Variants in CLYBL observed in about 807,000 individuals in gnomAD.
CLYBL encodes citramalyl-CoA lyase, mitochondrial.
In CLYBL, 31 loss-of-function variants were observed where a neutral mutation model predicts 38.9. The observed-to-expected ratio is 0.80, with a 90% CI of 0.60 to 1.08. The LOEUF (loss-of-function observed/expected upper bound fraction) is 1.08. Ranked by LOEUF, CLYBL falls within the 50% of genes least tolerant of loss-of-function variation. The pLI, the probability that CLYBL is intolerant of heterozygous loss-of-function variation, is 0.00. For missense variants in CLYBL, 434 were observed against 411.6 expected (o/e 1.05, Z -0.47); for synonymous variants, 171 against 158.6 (o/e 1.08, Z -0.59).
At chr13:99,676,312 T>C (rs2047650371) in intron 1 of CLYBL, among the ~76,000 whole-genome samples, 1 of 151,476 alleles carries the variant, frequency 6.6e-6, no homozygotes, top group Non-Finnish European at 1.5e-5. Flanking sequence ...TCCCCTCCTG[T>C]CCTCTTCTCT....
At chr13:99,738,810 G>A (rs1341254031) in intron 1 of CLYBL, among the ~76,000 whole-genome samples, 1 of 152,096 alleles carries the variant, frequency 6.6e-6, no homozygotes, top group East Asian at 1.9e-4. Context: ...GAGAATGGGG[G>A]CAGTTGCCTG....
rs969070326 is a variant in CLYBL at position 99,863,077 on chromosome 13, T to C, written c.525T>C (p.Gly175=). The C allele has an allele frequency of 6.3e-7, 1 of 1,594,096 alleles. No homozygotes were observed. Among genetic ancestry groups the C allele is most frequent in the Non-Finnish European group, 8.6e-7 (1 of 1,165,974 alleles). ...NLIPFVETAM[G]LLNFKAVCEE... is the part of the protein sequence containing the mutation. ...TCCCTTTTGTGGAAACTGCAATGGG[T>C]TTGCTCAATTTTAAGGTAAGGAAGC... Residue 175 remains glycine, a synonymous_variant, in exon 4 of 9, where the codon GGT becomes GGC. Transcript: ENST00000339105.
chr13:99,835,263 T>C (rs2050909109), intron 2 of CLYBL, among the ~76,000 whole-genome samples: 1 of 152,220 alleles, frequency 6.6e-6, no homozygotes, highest in African/African-American at 2.4e-5. Context: ...TGAAGTTTAT[T>C]TCTCTCTCAC....
chr13:99,638,570 T>C (rs1052730148), intron 1 of CLYBL, among the ~76,000 whole-genome samples: 1 of 152,224 alleles, frequency 6.6e-6, no homozygotes, highest in Non-Finnish European at 1.5e-5. Flanking sequence ...CAAAGAAATA[T>C]TAAGCAAGAA....
intron 1 of CLYBL, among the ~76,000 whole-genome samples, chr13:99,758,136 G>C (rs1291894270): frequency 6.6e-6 from 1 of 152,186 alleles, no homozygotes; most frequent in East Asian, 1.9e-4. Context: ...TGATGGCACT[G>C]AGTAGGGTCC....
chr13:99,663,503 C>T (rs1244861632), intron 1 of CLYBL, among the ~76,000 whole-genome samples: 1 of 152,180 alleles, frequency 6.6e-6, no homozygotes, highest in African/African-American at 2.4e-5. Flanking sequence ...GAAAGTGTCA[C>T]CAAGCCCTTT....
At chr13:99,792,308 C>A (rs117175079) in intron 2 of CLYBL, among the ~76,000 whole-genome samples, 1 of 152,218 alleles carries the variant, frequency 6.6e-6, no homozygotes, top group East Asian at 1.9e-4. Flanking sequence ...CCTTCCCCAC[C>A]GTGGGAAACA....
intron 2 of CLYBL, among the ~76,000 whole-genome samples, chr13:99,840,491 C>T (rs2051044926): frequency 6.6e-6 from 1 of 151,938 alleles, no homozygotes; most frequent in South Asian, 2.1e-4. Flanking sequence ...GATGCAGTGG[C>T]TCACACCTGT....
At chr13:99,691,235 A>G (rs556587021) in intron 1 of CLYBL, among the ~76,000 whole-genome samples, 26 of 152,316 alleles carry the variant, frequency 1.7e-4, no homozygotes, top group African/African-American at 6.3e-4. Context: ...ATTACTTTTT[A>G]TTTCCTTGAT....
chr13:99,894,456 T>C (rs562900282), downstream of CLYBL: 48 of 152,246 alleles, frequency 3.2e-4, no homozygotes, highest in African/African-American at 1.1e-3. Flanking sequence ...ATTCTTGGGG[T>C]CTAAATTATG....
At chr13:99,701,581 G>T (rs2048066718) in intron 1 of CLYBL, among the ~76,000 whole-genome samples, 1 of 152,104 alleles carries the variant, frequency 6.6e-6, no homozygotes, top group Admixed American at 6.5e-5. Flanking sequence ...AAAGTGCTGG[G>T]ATTACAGGCG....
chr13:99,819,416 TTATATATATATA>T (rs71715024), intron 2 of CLYBL, among the ~76,000 whole-genome samples: 155 of 18,356 alleles, frequency 8.4e-3, no homozygotes, highest in South Asian at 0.025. Context: ...GGGAAAAAAT[TTATATATATATA>T]TATATATATA....
intron 1 of CLYBL, chr13:99,726,241 C>A (rs1325714936): frequency 6.6e-6 from 1 of 152,166 alleles, no homozygotes; most frequent in African/African-American, 2.4e-5. Context: ...AAGATGAACT[C>A]ATTCATTCAT....
intron 4 of CLYBL, among the ~76,000 whole-genome samples, chr13:99,863,863 A>G (rs1489510146): frequency 1.3e-5 from 2 of 152,176 alleles, no homozygotes; most frequent in Non-Finnish European, 2.9e-5. Context: ...AGAAATCACT[A>G]AAAACAACAG....
intron 1 of CLYBL, among the ~76,000 whole-genome samples, chr13:99,610,394 T>C (rs2046608109): frequency 6.6e-6 from 1 of 152,208 alleles, no homozygotes; most frequent in Non-Finnish European, 1.5e-5. Context: ...ACATTTTAAG[T>C]AATATAATGG....
At chr13:99,876,466 C>T (rs1426970731) in intron 7 of CLYBL, among the ~76,000 whole-genome samples, 2 of 148,206 alleles carry the variant, frequency 1.3e-5, no homozygotes, top group East Asian at 2.0e-4. Flanking sequence ...TAGATTAAAT[C>T]GGACAATGTT....
chr13:99,714,341 G>T (rs926632485), intron 1 of CLYBL, among the ~76,000 whole-genome samples: 1 of 152,172 alleles, frequency 6.6e-6, no homozygotes, highest in Non-Finnish European at 1.5e-5. Context: ...AACTGGCCTG[G>T]TGTGGTGGCT....
chr13:99,908,277 T>C (rs2052717247), exon 10 of CLYBL, among the ~76,000 whole-genome samples: 2 of 152,188 alleles, frequency 1.3e-5, no homozygotes, highest in South Asian at 4.1e-4. Context: ...CTGCTCTGTT[T>C]ACACACCTGG....
At chr13:99,752,057 A>G (rs934846552) in intron 1 of CLYBL, among the ~76,000 whole-genome samples, 3 of 152,188 alleles carry the variant, frequency 2.0e-5, no homozygotes, top group African/African-American at 7.2e-5. Flanking sequence ...CAACACACAC[A>G]ACATACAAAA....
Sources: gnomAD v4.1 joint callset for allele counts (sites outside exome capture counted in the v4.1 genomes callset) on GRCh38, gnomAD v4.1.1 for gene constraint, MANE v1.5 for transcripts, NCBI Gene and HGNC (gene_info 2026-07-23, HGNC 2026-07-21) for gene names.